DDX60: variants seen among roughly 807,000 people sequenced by gnomAD.
DDX60 encodes DExD/H-box helicase 60.
DDX60 carries 165 observed loss-of-function variants against 212.8 expected under a neutral mutation model. The ratio of observed to expected loss-of-function variants is 0.78; its 90% CI spans 0.68 to 0.88. DDX60 has a LOEUF of 0.88. Ranked by LOEUF, DDX60 falls within the 40% of genes least tolerant of loss-of-function variation. The pLI, the probability that DDX60 is intolerant of heterozygous loss-of-function variation, is 0.00. For synonymous variants in DDX60, 703 were observed against 685.3 expected, an observed-to-expected ratio of 1.03 and a Z score of -0.40; for missense variants, 1,905 against 2,003.9, an observed-to-expected ratio of 0.95 and a Z score of 0.94.
chr4:168,318,230 T>C (rs1043293066), intron 1 of DDX60, among the ~76,000 whole-genome samples: 4 of 152,240 alleles, frequency 2.6e-5, no homozygotes, highest in Non-Finnish European at 5.9e-5. Context: ...GGAGCAGGGA[T>C]TGAAGGTGGA....
chr4:168,313,559 C>A (rs746760394), intron 1 of DDX60, among the ~76,000 whole-genome samples: 2 of 152,066 alleles, frequency 1.3e-5, no homozygotes, highest in Non-Finnish European at 2.9e-5. Context: ...CAAATTGTAC[C>A]AAGCTCAAAT....
intron 22 of DDX60, 56 bp from the exon 23 acceptor site, chr4:168,262,843 T>C: frequency 8.0e-7 from 1 of 1,248,718 alleles, no homozygotes; most frequent in South Asian, 1.5e-5. Flanking sequence ...GTCGTATCCT[T>C]TGCCTCTTAG....
intron 37 of DDX60, among the ~76,000 whole-genome samples, chr4:168,218,754 T>A (rs1400137305): frequency 6.6e-6 from 1 of 152,164 alleles, no homozygotes; most frequent in Non-Finnish European, 1.5e-5. Context: ...TTGGAGTCTA[T>A]CCCTGACACA....
intron 18 of DDX60, 21 bp downstream of exon 18, chr4:168,273,258 T>TGTAGGG: frequency 6.2e-7 from 1 of 1,607,242 alleles, no homozygotes; most frequent in Non-Finnish European, 8.5e-7. Context: ...GATAACACAC[T>TGTAGGG]TATTAATTAA....
intron 33 of DDX60, 59 bp from the exon 34 acceptor site, chr4:168,225,735 C>T (rs1377285271): frequency 1.1e-5 from 16 of 1,499,984 alleles, no homozygotes; most frequent in South Asian, 9.9e-5. Flanking sequence ...AAAACTGAAT[C>T]GTTGGAAGAA....
At chr4:168,243,163 T>A (rs1258761654) in intron 30 of DDX60, among the ~76,000 whole-genome samples, 1 of 152,184 alleles carries the variant, frequency 6.6e-6, no homozygotes, top group African/African-American at 2.4e-5. Context: ...CTTTCTTTTG[T>A]AAATTGCCCA....
At chr4:168,297,100 G>A (rs141456739) in intron 6 of DDX60, among the ~76,000 whole-genome samples, 40 of 151,462 alleles carry the variant, frequency 2.6e-4, no homozygotes, top group Non-Finnish European at 4.0e-4. Context: ...TAGTAGAGAC[G>A]GGGTTTCACC....
At position 168,251,013 on chromosome 4, in the gene DDX60, C is replaced by G. The variant is rs1462398147; in HGVS notation, c.3799G>C (p.Ala1267Pro). 1 of 1,611,410 alleles carries G rather than the reference C, an allele frequency of 6.2e-7. No individual in the cohort carries two copies. Among genetic ancestry groups the G allele is most frequent in the Admixed American group, 1.7e-5 (1 of 59,898 alleles). Residue 1267 changes from alanine to proline, a missense_variant, in exon 28 of 38, where the codon GCT becomes CCT. Physicochemically the swap from Ala to Pro is conservative, Grantham distance 27. Transcript: ENST00000393743. ...AATTGTTTTTCTTTGAAACTCATAG[C>G]ACTGTGATGATATCCAATACCCCTT... ...AERGIGYHHS[A>P]MSFKEKQLVE...
chr4:168,275,537 C>T, intron 15 of DDX60, 34 bp from the exon 16 acceptor site: 2 of 1,532,078 alleles, frequency 1.3e-6, no homozygotes, highest in Non-Finnish European at 1.8e-6. Context: ...TTGAAAATGA[C>T]ATTGAATTAG....
At position 168,317,706 on chromosome 4, in the gene DDX60, A is replaced by G. The variant is rs139071894; in HGVS notation, c.-107+916T>C. Reference sequence around the variant, plus strand: ...CGGTTATATTATGTAAGACTTCATCATAGTAGACTCGGGAGATTCCCCCAA... The same window carrying G: ...CGGTTATATTATGTAAGACTTCATCGTAGTAGACTCGGGAGATTCCCCCAA... On this transcript the variant is annotated intron_variant, in intron 1 of 37. Transcript: ENST00000393743. Among the ~76,000 whole-genome samples, 434 of 152,326 alleles carry G rather than the reference A, an allele frequency of 2.8e-3. 2 individuals are homozygous for G. Among genetic ancestry groups the G allele is most frequent in the African/African-American group, 7.7e-3 (319 of 41,584 alleles).
chr4:168,234,132 G>A (rs1231703077), intron 33 of DDX60, among the ~76,000 whole-genome samples: 2 of 151,956 alleles, frequency 1.3e-5, no homozygotes, highest in Non-Finnish European at 2.9e-5. Context: ...CTTTATTTCT[G>A]TCCTAGGTGA....
intron 30 of DDX60, among the ~76,000 whole-genome samples, chr4:168,240,468 A>T (rs1733800198): frequency 6.6e-6 from 1 of 152,190 alleles, no homozygotes; most frequent in Non-Finnish European, 1.5e-5. Context: ...TTAGAAAAAA[A>T]CTATTTTAAA....
At position 168,267,977 on chromosome 4, in the gene DDX60, T is replaced by C. The variant is rs1734925059; in HGVS notation, c.2793A>G (p.Leu931=). ...ISNPEHLTEW[L]QSVKWYWKQE... ...GTTTCCAGTACCATTTTACCGATTG[T>C]AGCCACCTTAAAAAATAAATGTACA... The change falls in exon 21 of 38, where the codon CTA becomes CTG. Residue 931 remains leucine (L), a synonymous_variant. Transcript: ENST00000393743. The C allele has an allele frequency of 6.2e-7, 1 of 1,607,686 alleles. No individual in the cohort carries two copies. The highest frequency in any genetic ancestry group is 8.5e-7 in the Non-Finnish European group (1 of 1,177,116).
At chr4:168,229,036 GCTCC>G (rs1733355452) in intron 33 of DDX60, among the ~76,000 whole-genome samples, 4 of 152,154 alleles carry the variant, frequency 2.6e-5, no homozygotes, top group South Asian at 2.1e-4. Flanking sequence ...CTAACTTGCA[GCTCC>G]CACTCAGACA....
rs138866213 is a variant in DDX60, at chr4:168,307,456, T to C, written c.264+550A>G. On this transcript the variant is annotated intron_variant, in intron 4 of 37. Transcript: ENST00000393743. ...AACCATCATAAAACATTGATTATTA[T>C]TGTTAGAGACTGGGTCTCACTATGT... 4.1e-4 allele frequency among the ~76,000 whole-genome samples: 63 copies of C among 152,298 alleles called. 1 individual carries two copies. The highest frequency in any genetic ancestry group is 1.4e-3 in the African/African-American group (59 of 41,560).
rs770046903 is a variant in DDX60 at position 168,306,393 on chromosome 4, T to C, written c.592A>G (p.Ile198Val). Residue 198 changes from isoleucine to valine, a missense_variant, in exon 5 of 38, where the codon ATT becomes GTT. Ile to Val is a conservative substitution (Grantham distance 29). Transcript: ENST00000393743. ...YLLPSMYRHQIFSWKNKQNIK... is the reference protein window; with the variant it reads ...YLLPSMYRHQVFSWKNKQNIK... ...ATGTGAATTACCTTCCAGGAAAAAATCTGGTGTCTGTACATGCTTGGAAGA... is the reference window on the plus strand; with the variant it reads ...ATGTGAATTACCTTCCAGGAAAAAACCTGGTGTCTGTACATGCTTGGAAGA... The C allele has an allele frequency of 1.4e-5, 23 of 1,591,656 alleles. No homozygotes were observed. The African/African-American group carries it at 2.3e-4, about 16-fold the overall frequency.
Position 168,267,846 on chromosome 4 carries a change from C to T in DDX60, c.2924G>A (p.Arg975Lys), listed in dbSNP as rs748664411. 6.2e-7 allele frequency: 1 copy of T among 1,608,590 alleles called. No homozygotes were observed. The part of the protein sequence containing the change: ...YLQVKQSYKV[R>K]LVLYGERYND... ...TATAAATATATCAAACATACCAAGTCTAACTTTATACGATTGTTTTACTTG... is the reference window on the plus strand; with the variant it reads ...TATAAATATATCAAACATACCAAGTTTAACTTTATACGATTGTTTTACTTG... The change falls in exon 21 of 38, where the codon AGA becomes AAA. Residue 975 changes from arginine (R) to lysine (K), a missense_variant. Arg to Lys is a conservative substitution (Grantham distance 26). Coordinates refer to ENST00000393743, the MANE Select transcript of DDX60 (RefSeq NM_017631.6).
rs28547898 is a variant in DDX60 at position 168,222,951 on chromosome 4, C to A, written c.4825-1070G>T. On this transcript the variant is annotated intron_variant, in intron 35 of 37. Transcript: ENST00000393743. ...TAAGTACTAAAAATAAAAGAGAGTT[C>A]GACGTTACAGCAGGGATGAACCTTA... Among the ~76,000 whole-genome samples the A allele has an allele frequency of 2.9e-4, 44 of 151,956 alleles. No homozygotes were observed. The Middle Eastern group carries it at 0.014, about 47-fold the overall frequency.
At chr4:168,293,113 A>G (rs1016079493) in intron 7 of DDX60, among the ~76,000 whole-genome samples, 8 of 152,166 alleles carry the variant, frequency 5.3e-5, no homozygotes, top group Non-Finnish European at 1.2e-4. Flanking sequence ...GTGTGTGTGT[A>G]TGTGTAAACA....
Sources: allele counts gnomAD v4.1 joint callset (sites outside exome capture counted in the v4.1 genomes callset), GRCh38; gene constraint gnomAD v4.1.1; transcripts MANE v1.5; gene names NCBI Gene and HGNC (gene_info 2026-07-23, HGNC 2026-07-21).